CDK5RAP2: variants seen among roughly 807,000 people sequenced by gnomAD.
CDK5RAP2 encodes the protein CDK5 regulatory subunit-associated protein 2.
CDK5RAP2 carries 147 observed loss-of-function variants against 232.9 expected under a neutral mutation model. The observed-to-expected ratio is 0.63, with a 90% CI of 0.55 to 0.72. The LOEUF (loss-of-function observed/expected upper bound fraction) is 0.72, where lower values mean the gene tolerates loss of function less well. CDK5RAP2 is among the 30% of genes least tolerant of loss of function. CDK5RAP2 has a pLI of 0.00. For missense variants in CDK5RAP2, 2,195 were observed against 2,231.5 expected, an observed-to-expected ratio of 0.98 and a Z score of 0.33; for synonymous variants, 833 against 833.7, an observed-to-expected ratio of 1.00 and a Z score of 0.01.
rs1261654484 is a variant in CDK5RAP2, at chr9:120,419,799, CTG to C, written c.4164_4165del (p.Asn1388LysfsTer26). On this transcript the variant is annotated frameshift_variant, in exon 27 of 38. Transcript: ENST00000349780. LOFTEE classifies it high-confidence loss of function. ...GAGGCTTAGCTTACCTTGAGAAAAA[CTG>C]TTCACCATAACTGAAGTCTTCTCTG... 1 of 1,613,630 alleles carries C rather than the reference CTG, an allele frequency of 6.2e-7. No homozygotes were observed. The highest frequency in any genetic ancestry group is 8.5e-7 in the Non-Finnish European group (1 of 1,179,534).
intron 25 of CDK5RAP2, among the ~76,000 whole-genome samples, chr9:120,431,112 TG>T (rs911380023): frequency 1.3e-5 from 2 of 151,790 alleles, no homozygotes; most frequent in African/African-American, 4.8e-5. Flanking sequence ...GGGACTGTTG[TG>T]GGGTGAGGGG....
intron 3 of CDK5RAP2, among the ~76,000 whole-genome samples, chr9:120,564,695 T>C (rs1248246429): frequency 3.3e-5 from 5 of 152,268 alleles, no homozygotes; most frequent in African/African-American, 9.6e-5. Context: ...TCCATGAGTA[T>C]TGAGAATGGA....
At chr9:120,410,858 G>C (rs2046263491) in intron 29 of CDK5RAP2, among the ~76,000 whole-genome samples, 1 of 152,214 alleles carries the variant, frequency 6.6e-6, no homozygotes, top group African/African-American at 2.4e-5. Context: ...TTTCAGTAGT[G>C]AAAGATAATG....
At chr9:120,535,185 A>G (rs1277913390) in intron 7 of CDK5RAP2, among the ~76,000 whole-genome samples, 1 of 152,256 alleles carries the variant, frequency 6.6e-6, no homozygotes, top group African/African-American at 2.4e-5. Flanking sequence ...AAAAGATTGC[A>G]GAGCACCAAA....
At chr9:120,558,477 T>C (rs577910299) in intron 3 of CDK5RAP2, among the ~76,000 whole-genome samples, 1 of 149,978 alleles carries the variant, frequency 6.7e-6, no homozygotes, top group South Asian at 2.1e-4. Flanking sequence ...CACTCCCTGG[T>C]TAAACCCTCT....
intron 13 of CDK5RAP2, among the ~76,000 whole-genome samples, chr9:120,488,665 C>T (rs2038737309): frequency 6.6e-6 from 1 of 152,228 alleles, no homozygotes; most frequent in Non-Finnish European, 1.5e-5. Flanking sequence ...GCTCTTACAT[C>T]CTCTGTCCCT....
chr9:120,517,666 G>A, intron 12 of CDK5RAP2: 1 of 154,356 alleles, frequency 6.5e-6, no homozygotes. Context: ...ATCACCTAGA[G>A]AAACCTGATA....
chr9:120,479,252 G>T (rs186431087), intron 14 of CDK5RAP2, among the ~76,000 whole-genome samples: 63 of 147,022 alleles, frequency 4.3e-4, no homozygotes, highest in African/African-American at 1.7e-3. Context: ...ATAGAAAAAT[G>T]ATGATGACTA....
chr9:120,517,360 C>T (rs2040384632), intron 12 of CDK5RAP2, among the ~76,000 whole-genome samples: 1 of 152,146 alleles, frequency 6.6e-6, no homozygotes. Context: ...CTATCAGCAG[C>T]AGCCACCAGA....
At chr9:120,566,656 A>G (rs2042657481) in intron 3 of CDK5RAP2, among the ~76,000 whole-genome samples, 1 of 152,256 alleles carries the variant, frequency 6.6e-6, no homozygotes, top group Non-Finnish European at 1.5e-5. Flanking sequence ...TGAAGTAGGT[A>G]CTGTTATCAT....
chr9:120,421,955 A>G (rs1462331394), intron 26 of CDK5RAP2, among the ~76,000 whole-genome samples: 1 of 152,250 alleles, frequency 6.6e-6, no homozygotes, highest in East Asian at 1.9e-4. Flanking sequence ...CAAACTTTAT[A>G]TGGTGAGAAC....
chr9:120,542,221 C>A lies in CDK5RAP2; in HGVS notation c.384-3057G>T, dbSNP rs563125599. On this transcript the variant is annotated intron_variant, in intron 5 of 37. Transcript: ENST00000349780. ...GAAGCTAGGGTTAAAGAGAAAAGCACGGCCAGGCATGGTGGCTCATGCTTG... is the reference window on the plus strand; with the variant it reads ...GAAGCTAGGGTTAAAGAGAAAAGCAAGGCCAGGCATGGTGGCTCATGCTTG... Among the ~76,000 whole-genome samples the A allele has an allele frequency of 1.8e-4, 27 of 152,270 alleles. No homozygotes were observed. In the South Asian group the frequency reaches 5.6e-3, roughly 32 times the overall value.
At chr9:120,499,113 A>G (rs1177193958) in intron 12 of CDK5RAP2, among the ~76,000 whole-genome samples, 1 of 152,188 alleles carries the variant, frequency 6.6e-6, no homozygotes, top group Non-Finnish European at 1.5e-5. Flanking sequence ...AAATCTAAAC[A>G]TTTATTGGTT....
At chr9:120,518,194 T>A in intron 12 of CDK5RAP2, among the ~76,000 whole-genome samples, 1 of 101,256 alleles carries the variant, frequency 9.9e-6, no homozygotes, top group Non-Finnish European at 2.0e-5. Flanking sequence ...TGTGTGTGTG[T>A]GTGTGTGTGT....
chr9:120,443,658 T>C lies in CDK5RAP2; in HGVS notation c.3110A>G (p.Lys1037Arg), dbSNP rs1353163167. 4 of 1,614,204 alleles carry C rather than the reference T, an allele frequency of 2.5e-6. No individual in the cohort carries two copies. The highest frequency in any genetic ancestry group is 2.2e-5 in the South Asian group (2 of 91,084). ...IKTTSSVWRD[K>R]EMDSDQQRSY... is the part of the protein sequence containing the mutation. ...TCTTTGCTGATCACTGTCCATTTCC[T>C]TGTCTCTCCAGACAGAAGATGTGGT... The change falls in exon 23 of 38, where the codon AAG becomes AGG. Residue 1037 changes from lysine (K) to arginine (R), a missense_variant. Physicochemically the swap from Lys to Arg is conservative, Grantham distance 26. Coordinates refer to ENST00000349780, the MANE Select transcript of CDK5RAP2 (RefSeq NM_018249.6).
intron 21 of CDK5RAP2, among the ~76,000 whole-genome samples, chr9:120,449,345 A>G (rs1588366934): frequency 6.6e-6 from 1 of 152,240 alleles, no homozygotes; most frequent in East Asian, 1.9e-4. Flanking sequence ...TTAGACACTC[A>G]CTGTCCCCTA....
intron 36 of CDK5RAP2, among the ~76,000 whole-genome samples, chr9:120,392,225 T>C (rs1333692613): frequency 1.3e-5 from 2 of 151,938 alleles, no homozygotes; most frequent in African/African-American, 2.4e-5. Context: ...ATGAGAAAAC[T>C]GGGGTGCTTT....
At chr9:120,525,194 G>C (rs887102453) in intron 10 of CDK5RAP2, 116 bp from the exon 11 acceptor site, 3 of 804,514 alleles carry the variant, frequency 3.7e-6, no homozygotes, top group Middle Eastern at 2.2e-4. Flanking sequence ...TTTGTAGTCA[G>C]AAGAGATTCG....
chr9:120,536,972 A>C (rs1283877890), intron 6 of CDK5RAP2, among the ~76,000 whole-genome samples: 4 of 146,358 alleles, frequency 2.7e-5, no homozygotes, highest in African/African-American at 1.0e-4. Context: ...AAGGTGATTC[A>C]GTTGGGAAAA....
Sources: gnomAD v4.1 joint callset for allele counts (sites outside exome capture counted in the v4.1 genomes callset) on GRCh38, gnomAD v4.1.1 for gene constraint, MANE v1.5 for transcripts, NCBI Gene and HGNC (gene_info 2026-07-23, HGNC 2026-07-21) for gene names.